The following KIAA1671 variants were observed in gnomAD, a reference collection of about 807,000 sequenced individuals.
KIAA1671 encodes the protein KIAA1671.
KIAA1671 carries 52 observed loss-of-function variants against 131.2 expected under a neutral mutation model. The observed-to-expected ratio is 0.40, with a 90% CI of 0.32 to 0.50. The LOEUF (loss-of-function observed/expected upper bound fraction) is 0.50. KIAA1671 is among the 20% of genes least tolerant of loss of function. The pLI, the probability that KIAA1671 is intolerant of heterozygous loss-of-function variation, is 0.73. For synonymous variants in KIAA1671, 1,003 were observed against 961.6 expected (o/e 1.04, Z -0.80); for missense variants, 2,360 against 2,364.2 (o/e 1.00, Z 0.04).
At chr22:25,099,271 G>C (rs1004969864) in intron 6 of KIAA1671, among the ~76,000 whole-genome samples, 4 of 152,102 alleles carry the variant, frequency 2.6e-5, no homozygotes, top group African/African-American at 9.7e-5. Flanking sequence ...CCTTTTAAAG[G>C]CAGAGAAGGT....
At chr22:25,185,618 T>C (rs1934449294) in intron 11 of KIAA1671, 1 of 142,332 alleles carries the variant, frequency 7.0e-6, no homozygotes, top group Non-Finnish European at 1.5e-5. Flanking sequence ...ACAAAGCAGC[T>C]TCTGCCCCCC....
chr22:25,093,748 C>CTCTCTCTG (rs1930185581), intron 6 of KIAA1671, among the ~76,000 whole-genome samples: 16 of 111,484 alleles, frequency 1.4e-4, no homozygotes, highest in African/African-American at 3.0e-4. Context: ...CTCTCTCTCT[C>CTCTCTCTG]TCTCTCTCTC....
chr22:25,170,630 A>C (rs1933813386), intron 6 of KIAA1671, among the ~76,000 whole-genome samples, 190 bp from the exon 7 acceptor site: 2 of 152,186 alleles, frequency 1.3e-5, no homozygotes, highest in Non-Finnish European at 2.9e-5. Flanking sequence ...GTATCCTGTG[A>C]TATCTTGGTA....
intron 6 of KIAA1671, chr22:25,061,121 A>G (rs1928135396): frequency 6.6e-6 from 1 of 151,900 alleles, no homozygotes; most frequent in Non-Finnish European, 1.5e-5. Flanking sequence ...ATTTTTTGGG[A>G]AAAAAAAATT....
At chr22:25,026,891 G>T (rs1925975128) in intron 2 of KIAA1671, among the ~76,000 whole-genome samples, 1 of 152,166 alleles carries the variant, frequency 6.6e-6, no homozygotes, top group Non-Finnish European at 1.5e-5. Context: ...AGTTGCTGGA[G>T]GGTTAATGAG....
intron 1 of KIAA1671, among the ~76,000 whole-genome samples, chr22:24,991,503 C>A (rs1342483953): frequency 6.6e-6 from 1 of 151,670 alleles, no homozygotes; most frequent in East Asian, 1.9e-4. Flanking sequence ...TGCTTTGTCC[C>A]CAGGCTGGAG....
rs557634441 is a variant in KIAA1671 at position 25,138,297 on chromosome 22, C to T, written c.4531-32523C>T. 2.6e-5 allele frequency among the ~76,000 whole-genome samples: 4 copies of T among 152,260 alleles called. No homozygotes were observed. The South Asian group carries it at 8.3e-4, about 32-fold the overall frequency. On this transcript the variant is annotated intron_variant, in intron 6 of 12. Transcript: ENST00000358431. ...GATCATGGCCAACCAGTCATTGGCTCTTAAAGTTTCTGCCTGGAAATGAGT... is the reference window on the plus strand; with the variant it reads ...GATCATGGCCAACCAGTCATTGGCTTTTAAAGTTTCTGCCTGGAAATGAGT...
intron 6 of KIAA1671, among the ~76,000 whole-genome samples, chr22:25,136,027 A>T (rs1932661966): frequency 6.6e-6 from 1 of 152,244 alleles, no homozygotes; most frequent in Non-Finnish European, 1.5e-5. Context: ...GGCAGGCTAC[A>T]GAATCAGCAT....
intron 10 of KIAA1671, among the ~76,000 whole-genome samples, chr22:25,182,050 G>A (rs2146036221): frequency 6.6e-6 from 1 of 152,110 alleles, no homozygotes; most frequent in East Asian, 1.9e-4. Context: ...GTGGTGGCGG[G>A]CGCCTGTAGT....
chr22:25,174,435 G>A lies in KIAA1671; in HGVS notation c.4845G>A (p.Pro1615=). 1.3e-6 allele frequency: 2 copies of A among 1,547,362 alleles called. No individual in the cohort carries two copies. Among genetic ancestry groups the A allele is most frequent in the Non-Finnish European group, 8.7e-7 (1 of 1,143,536 alleles). ...AATCCACCGATGGGATGGAGGGGCC[G>A]CCTCCACCGGACGCCTGCCCTGAAA... ...DLESTDGMEG[P]PPPDACPEKR... The change falls in exon 8 of 13, where the codon CCG becomes CCA. Residue 1615 remains proline (P), a synonymous_variant. Transcript: ENST00000358431.
At chr22:25,143,073 G>A (rs5752072) in intron 6 of KIAA1671, among the ~76,000 whole-genome samples, 4,072 of 152,284 alleles carry the variant, frequency 0.027, 131 homozygotes, top group East Asian at 0.16. Flanking sequence ...CTTTTCACAA[G>A]CCTTCACCCT....
At chr22:25,048,852 A>G (rs1030226438) in intron 5 of KIAA1671, 13 of 171,150 alleles carry the variant, frequency 7.6e-5, no homozygotes, top group Non-Finnish European at 1.6e-4. Context: ...GGCTAGGGTA[A>G]GCCAAGCCAG....
At position 25,092,519 on chromosome 22, in the gene KIAA1671, A is replaced by G. The variant is rs561663581; in HGVS notation, c.4530+43155A>G. Among the ~76,000 whole-genome samples the G allele has an allele frequency of 1.1e-4, 17 of 152,276 alleles. No homozygotes were observed. In the Middle Eastern group the frequency reaches 0.01, roughly 91 times the overall value. On this transcript the variant is annotated intron_variant, in intron 6 of 12. Transcript: ENST00000358431. ...CATTTTTGGTGGAGGCTAACCTCGT[A>G]GGATGGAGAACTGTCAAGCCCAGCC...
intron 6 of KIAA1671, chr22:25,051,662 G>A (rs887126316): frequency 2.6e-5 from 4 of 151,926 alleles, no homozygotes; most frequent in Admixed American, 2.6e-4. Context: ...TATAAAAGGG[G>A]AAAGTGAAGC....
rs1930117487 is a variant in KIAA1671 at position 25,093,423 on chromosome 22, T to C, written c.4530+44059T>C. The stretch of plus-strand genomic sequence containing the variant: ...TGCCTAGCACTGTGCTCAGGCACAA[T>C]AGGTGCCTAAGGGACAGCCACTCCC... On this transcript the variant is annotated intron_variant, in intron 6 of 12. Coordinates refer to ENST00000358431, the MANE Select transcript of KIAA1671 (RefSeq NM_001145206.2). Among the ~76,000 whole-genome samples, 4 of 152,226 alleles carry C rather than the reference T, an allele frequency of 2.6e-5. No individual in the cohort carries two copies. The South Asian group carries it at 6.2e-4, about 24-fold the overall frequency.
intron 6 of KIAA1671, among the ~76,000 whole-genome samples, chr22:25,123,735 C>T (rs2145932595): frequency 6.6e-6 from 1 of 152,372 alleles, no homozygotes; most frequent in South Asian, 2.1e-4. Flanking sequence ...AACAGCTTGA[C>T]TCCAAACTCA....
rs144254860 is a variant in KIAA1671 at position 25,042,642 on chromosome 22, A to AT, written c.4395+1129dup. Among the ~76,000 whole-genome samples, 184 of 145,116 alleles carry AT rather than the reference A, an allele frequency of 1.3e-3. 1 individual carries two copies. The highest frequency in any genetic ancestry group is 3.4e-3 in the African/African-American group (136 of 39,470). ...CCATCATACCCGGCTAATTTTTTGT[A>AT]TTTTTTTTTTTTAGTAGAGACGGGG... On this transcript the variant is annotated intron_variant, in intron 5 of 12. Transcript: ENST00000358431.
chr22:25,108,567 T>C (rs1283859184), intron 6 of KIAA1671, among the ~76,000 whole-genome samples: 1 of 152,122 alleles, frequency 6.6e-6, no homozygotes, highest in African/African-American at 2.4e-5. Context: ...TGGTGGAGGG[T>C]GGAGCCAGGC....
rs61608481 is a variant in KIAA1671, at chr22:25,088,317, G to C, written c.4530+38953G>C. Among the ~76,000 whole-genome samples the C allele has an allele frequency of 2.0e-5, 3 of 152,242 alleles. No individual in the cohort carries two copies. The South Asian group carries it at 6.2e-4, about 32-fold the overall frequency. On this transcript the variant is annotated intron_variant, in intron 6 of 12. Coordinates refer to ENST00000358431, the MANE Select transcript of KIAA1671 (RefSeq NM_001145206.2). ...GAGACAGGTTTCACCATGTTGGCCAGGCTGGTCTTGAACTCCTGACCTTAG... is the reference window on the plus strand; with the variant it reads ...GAGACAGGTTTCACCATGTTGGCCACGCTGGTCTTGAACTCCTGACCTTAG...
Sources: gnomAD v4.1 joint callset for allele counts (sites outside exome capture counted in the v4.1 genomes callset) on GRCh38, gnomAD v4.1.1 for gene constraint, MANE v1.5 for transcripts, NCBI Gene and HGNC (gene_info 2026-07-23, HGNC 2026-07-21) for gene names.